Variants in PCNX2 observed in about 807,000 individuals in gnomAD.
PCNX2 encodes the protein pecanex 2.
A neutral mutation model predicts 223.8 loss-of-function variants in PCNX2; 168 were observed. The observed-to-expected ratio is 0.75, with a 90% CI of 0.66 to 0.85. The LOEUF (loss-of-function observed/expected upper bound fraction) is 0.85, where lower values mean the gene tolerates loss of function less well. PCNX2 is among the 40% of genes least tolerant of loss of function. The probability of loss-of-function intolerance (pLI) is 0.00; values close to 1 mark genes in which losing one functional copy is unlikely to be tolerated. For synonymous variants in PCNX2, 1,006 were observed against 1,052.6 expected (o/e 0.96, Z 0.86); for missense variants, 2,507 against 2,675.5 (o/e 0.94, Z 1.39).
chr1:233,291,878 G>T, intron 1 of PCNX2: 1 of 984,782 alleles, frequency 1.0e-6, no homozygotes, highest in Non-Finnish European at 1.2e-6. Context: ...CATGAGGCTA[G>T]TGCTCTCAGA....
intron 23 of PCNX2, among the ~76,000 whole-genome samples, chr1:233,078,018 A>G (rs935873899): frequency 3.3e-5 from 5 of 152,246 alleles, no homozygotes; most frequent in African/African-American, 1.2e-4. Context: ...AGCACTGTGT[A>G]CCAAGAAGCA....
intron 21 of PCNX2, among the ~76,000 whole-genome samples, chr1:233,110,330 C>G (rs973739924): frequency 5.9e-5 from 9 of 152,104 alleles, no homozygotes; most frequent in African/African-American, 1.2e-4. Context: ...CCTCAGAAAC[C>G]ATGCAAGCCA....
chr1:233,149,943 C>T (rs1419171182), intron 19 of PCNX2, among the ~76,000 whole-genome samples: 1 of 151,818 alleles, frequency 6.6e-6, no homozygotes, highest in Non-Finnish European at 1.5e-5. Context: ...CCTCAATTTA[C>T]ACGTCACTTC....
At position 233,017,099 on chromosome 1, in the gene PCNX2, T is replaced by C. The variant is rs759585065; in HGVS notation, c.4661A>G (p.Glu1554Gly). The change falls in exon 27 of 34, where the codon GAA becomes GGA. Residue 1554 changes from glutamate to glycine, a missense_variant. This residue lies in a region of PCNX2 where 1,372 missense variants were observed against 1,509.4 expected (regional missense o/e 0.91). Coordinates refer to ENST00000258229, the MANE Select transcript of PCNX2 (RefSeq NM_014801.4). ...SPKLLSWIKN[E>G]SLLKSLQPFA... is the part of the protein sequence containing the mutation. Reference sequence around the variant, plus strand: ...GGGCTGCAGGGACTTCAGAAGTGATTCATTTTTGATCCAGGAGAGGAGTTT... The same window carrying C: ...GGGCTGCAGGGACTTCAGAAGTGATCCATTTTTGATCCAGGAGAGGAGTTT... The C allele has an allele frequency of 5.0e-6, 8 of 1,611,126 alleles. No homozygotes were observed. The highest frequency in any genetic ancestry group is 5.9e-6 in the Non-Finnish European group (7 of 1,178,908).
In PCNX2 at chr1:233,135,058, C is replaced by G; in HGVS notation, c.3792G>C (p.Glu1264Asp). Residue 1264 changes from glutamate to aspartate, a missense_variant, in exon 21 of 34, where the codon GAG (glutamate) becomes GAC (aspartate). Physicochemically the swap from Glu to Asp is conservative, Grantham distance 45. Transcript: ENST00000258229. Reference sequence around the variant, plus strand: ...CCATGAAGAAATCCAGTAAGAAGCTCTCTGAAATATCTTTGTAGTCAAAGT... The same window carrying G: ...CCATGAAGAAATCCAGTAAGAAGCTGTCTGAAATATCTTTGTAGTCAAAGT... ...FFHFDYKDIS[E>D]SFLLDFFMVS... The G allele has an allele frequency of 6.2e-7, 1 of 1,612,130 alleles. No individual in the cohort carries two copies.
chr1:233,137,875 G>A (rs1434920643), intron 20 of PCNX2, among the ~76,000 whole-genome samples: 2 of 152,144 alleles, frequency 1.3e-5, no homozygotes, highest in Non-Finnish European at 2.9e-5. Context: ...ACGCTTACTA[G>A]TGGTTTGCTA....
At chr1:233,238,688 T>C (rs2102966662) in intron 8 of PCNX2, among the ~76,000 whole-genome samples, 1 of 90,480 alleles carries the variant, frequency 1.1e-5, no homozygotes, top group East Asian at 2.9e-4. Context: ...AGTAAGATCC[T>C]GTCTCAAAAA....
intron 19 of PCNX2, among the ~76,000 whole-genome samples, chr1:233,153,153 C>T (rs1197828889): frequency 6.6e-6 from 1 of 152,208 alleles, no homozygotes; most frequent in Non-Finnish European, 1.5e-5. Context: ...CGCTTACACC[C>T]TGGCAGGCTA....
intron 1 of PCNX2, among the ~76,000 whole-genome samples, chr1:233,273,343 G>C (rs1660744062): frequency 1.3e-5 from 2 of 151,928 alleles, no homozygotes; most frequent in South Asian, 4.1e-4. Context: ...AAGGAGCAGT[G>C]GCCACAGCTC....
At chr1:233,287,713 A>T (rs1300822090) in intron 1 of PCNX2, among the ~76,000 whole-genome samples, 1 of 152,192 alleles carries the variant, frequency 6.6e-6, no homozygotes, top group Non-Finnish European at 1.5e-5. Flanking sequence ...TTGTAAAATG[A>T]CCTGTTAGAA....
chr1:233,251,072 AG>A (rs1659424026), intron 7 of PCNX2, among the ~76,000 whole-genome samples: 1 of 152,104 alleles, frequency 6.6e-6, no homozygotes, highest in Non-Finnish European at 1.5e-5. Context: ...TAATATACTT[AG>A]ACAAGTTTTG....
chr1:233,259,033 C>T lies in PCNX2; in HGVS notation c.829G>A (p.Gly277Arg), dbSNP rs2102995584. The T allele has an allele frequency of 6.2e-7, 1 of 1,614,004 alleles. No homozygotes were observed. Among genetic ancestry groups the T allele is most frequent in the East Asian group, 2.2e-5 (1 of 44,854 alleles). Residue 277 changes from glycine to arginine, a missense_variant, in exon 5 of 34, where the codon GGG (glycine) becomes AGG (arginine). Physicochemically the swap from Gly to Arg is moderately radical, Grantham distance 125. This residue lies in a region of PCNX2 where 1,031 missense variants were observed against 1,021.7 expected (regional missense o/e 1.01). Transcript: ENST00000258229. ...LETDVSFQPWGSENSVLIPEP... is the reference protein window; with the variant it reads ...LETDVSFQPWRSENSVLIPEP... ...GGAATCAGGACTGAATTCTCACTCC[C>T]CCACGGCTGGAAAGAAACGTCTGTT...
intron 19 of PCNX2, among the ~76,000 whole-genome samples, chr1:233,155,016 T>C (rs922700464): frequency 1.5e-5 from 2 of 137,176 alleles, no homozygotes; most frequent in African/African-American, 5.6e-5. Flanking sequence ...TTGGGTGAGC[T>C]GGGATCGAGC....
At chr1:233,225,384 C>A (rs534432401) in intron 10 of PCNX2, among the ~76,000 whole-genome samples, 1 of 152,058 alleles carries the variant, frequency 6.6e-6, no homozygotes, top group Non-Finnish European at 1.5e-5. Flanking sequence ...AGGAAACGGA[C>A]GCACTGGAAG....
chr1:233,176,275 G>C (rs891969366), intron 17 of PCNX2, among the ~76,000 whole-genome samples: 1 of 152,162 alleles, frequency 6.6e-6, no homozygotes, highest in South Asian at 2.1e-4. Flanking sequence ...AAGCTGTCCA[G>C]AGCCCTTATC....
intron 1 of PCNX2, among the ~76,000 whole-genome samples, chr1:233,280,489 G>C (rs1357289467): frequency 6.6e-6 from 1 of 151,990 alleles, no homozygotes; most frequent in Admixed American, 6.6e-5. Context: ...GTAAAGACGA[G>C]GTTTTGCCAT....
chr1:233,091,650 T>C (rs1673876551), intron 22 of PCNX2, among the ~76,000 whole-genome samples: 1 of 151,622 alleles, frequency 6.6e-6, no homozygotes, highest in Admixed American at 6.6e-5. Context: ...AGAGGATCTC[T>C]TGAGCCCAGG....
intron 25 of PCNX2, among the ~76,000 whole-genome samples, chr1:233,032,355 G>C (rs528085480): frequency 1.3e-5 from 2 of 152,002 alleles, no homozygotes; most frequent in African/African-American, 2.4e-5. Context: ...CACCCACCTC[G>C]GCCTCCCAAA....
chr1:233,190,086 A>T (rs16858825), intron 15 of PCNX2, among the ~76,000 whole-genome samples: 1 of 152,184 alleles, frequency 6.6e-6, no homozygotes, highest in Admixed American at 6.5e-5. Context: ...GATAATAATA[A>T]AAATTAAGGA....
Sources: allele counts gnomAD v4.1 joint callset (sites outside exome capture counted in the v4.1 genomes callset), GRCh38; gene constraint gnomAD v4.1.1; regional missense constraint gnomAD v4.1.1; transcripts MANE v1.5; gene names NCBI Gene and HGNC (gene_info 2026-07-23, HGNC 2026-07-21).